The following CNTN4 variants were observed in gnomAD, a reference collection of about 807,000 sequenced individuals.
The protein encoded by CNTN4 is contactin-4.
A neutral mutation model predicts 122.5 loss-of-function variants in CNTN4; 77 were observed. The ratio of observed to expected loss-of-function variants is 0.63; its 90% CI spans 0.52 to 0.76. CNTN4 has a LOEUF of 0.76. CNTN4 is among the 30% of genes least tolerant of loss of function. The probability of loss-of-function intolerance (pLI) is 0.00; values close to 1 mark genes in which losing one functional copy is unlikely to be tolerated. For missense variants in CNTN4, 1,256 were observed against 1,259.1 expected (o/e 1.00, Z 0.04); for synonymous variants, 512 against 447.0 (o/e 1.15, Z -1.83).
At chr3:2,718,471 G>A (rs1270867050) in intron 4 of CNTN4, among the ~76,000 whole-genome samples, 1 of 152,022 alleles carries the variant, frequency 6.6e-6, no homozygotes, top group Admixed American at 6.6e-5. Context: ...GATGCTTTTC[G>A]TGTCAAGATC....
intron 6 of CNTN4, among the ~76,000 whole-genome samples, chr3:2,796,898 C>G (rs1008427223): frequency 4.2e-4 from 64 of 152,310 alleles, no homozygotes; most frequent in African/African-American, 1.5e-3. Context: ...TAATGTTGCT[C>G]AGTACCCCAC....
chr3:2,930,807 A>T lies in CNTN4; in HGVS notation c.1358+5028A>T, dbSNP rs758267529. Among the ~76,000 whole-genome samples, 8 of 152,120 alleles carry T rather than the reference A, an allele frequency of 5.3e-5. No homozygotes were observed. In the South Asian group the frequency reaches 1.5e-3, roughly 28 times the overall value. ...CCTTTGCTTAGCACTAGAGAGAGAG[A>T]AAAAAAAGGAGACATGAACCTAGCT... On this transcript the variant is annotated intron_variant, in intron 13 of 24. Transcript: ENST00000418658.
At chr3:2,359,766 C>A (rs575903452) in intron 3 of CNTN4, among the ~76,000 whole-genome samples, 1 of 152,266 alleles carries the variant, frequency 6.6e-6, no homozygotes, top group East Asian at 1.9e-4. Flanking sequence ...GTCTCTATCT[C>A]CTGACCTCGT....
chr3:2,265,516 T>C (rs535686126), intron 2 of CNTN4, among the ~76,000 whole-genome samples: 1 of 152,254 alleles, frequency 6.6e-6, no homozygotes, highest in East Asian at 1.9e-4. Flanking sequence ...TCCAGCTTTA[T>C]TCTTTTTGCT....
intron 3 of CNTN4, among the ~76,000 whole-genome samples, chr3:2,469,222 C>G (rs759623572): frequency 5.9e-5 from 9 of 152,178 alleles, no homozygotes; most frequent in Non-Finnish European, 1.0e-4. Context: ...TCCAAATGTA[C>G]TAAGACATAA....
intron 4 of CNTN4, among the ~76,000 whole-genome samples, chr3:2,632,801 G>GATGAAGCT (rs2150050707): frequency 6.6e-6 from 1 of 152,212 alleles, no homozygotes; most frequent in African/African-American, 2.4e-5. Context: ...TGTTATGAGT[G>GATGAAGCT]ATGAAGCTCA....
chr3:2,961,122 C>A (rs1407701501), intron 13 of CNTN4, among the ~76,000 whole-genome samples: 1 of 137,126 alleles, frequency 7.3e-6, no homozygotes, highest in Non-Finnish European at 1.6e-5. Context: ...CCCAGCTACT[C>A]GGGAGGCTGA....
chr3:2,509,947 T>C (rs1211972096), intron 3 of CNTN4, among the ~76,000 whole-genome samples: 1 of 152,166 alleles, frequency 6.6e-6, no homozygotes, highest in Non-Finnish European at 1.5e-5. Flanking sequence ...GGATTTTTGG[T>C]TCTTCACCCA....
At chr3:2,905,609 C>T (rs1200690537) in intron 12 of CNTN4, among the ~76,000 whole-genome samples, 2 of 152,204 alleles carry the variant, frequency 1.3e-5, no homozygotes. Flanking sequence ...GGGACACAAA[C>T]ATTCAGACTA....
chr3:2,271,663 G>A (rs1377344004), intron 2 of CNTN4, among the ~76,000 whole-genome samples: 3 of 152,080 alleles, frequency 2.0e-5, no homozygotes, highest in Admixed American at 2.0e-4. Flanking sequence ...AGATTACCTT[G>A]GTTATATCAG....
chr3:2,918,856 A>G (rs1456635412), intron 12 of CNTN4, among the ~76,000 whole-genome samples: 1 of 152,206 alleles, frequency 6.6e-6, no homozygotes, highest in Non-Finnish European at 1.5e-5. Context: ...ATAACCCTAT[A>G]TGAAGGGGAG....
At chr3:2,124,807 G>A (rs2034035560) in intron 2 of CNTN4, among the ~76,000 whole-genome samples, 1 of 151,280 alleles carries the variant, frequency 6.6e-6, no homozygotes, top group Non-Finnish European at 1.5e-5. Flanking sequence ...TTGAAGTGTA[G>A]TTGATGTACA....
chr3:2,796,791 T>C (rs891990263), intron 6 of CNTN4, among the ~76,000 whole-genome samples: 17 of 152,236 alleles, frequency 1.1e-4, no homozygotes, highest in Admixed American at 5.9e-4. Flanking sequence ...TTTGCATTTA[T>C]TTTTAGCTTC....
chr3:2,855,648 G>C (rs1431957655), intron 7 of CNTN4, among the ~76,000 whole-genome samples: 1 of 152,150 alleles, frequency 6.6e-6, no homozygotes, highest in Non-Finnish European at 1.5e-5. Context: ...GAGTAACTGT[G>C]ATCTGACCTG....
chr3:2,813,330 TG>T (rs2092656269), intron 6 of CNTN4, among the ~76,000 whole-genome samples: 1 of 152,206 alleles, frequency 6.6e-6, no homozygotes, highest in Admixed American at 6.5e-5. Flanking sequence ...CAAAGGGAAC[TG>T]GTGCTGACAA....
intron 6 of CNTN4, among the ~76,000 whole-genome samples, chr3:2,778,515 C>T (rs1412268548): frequency 6.6e-6 from 1 of 152,146 alleles, no homozygotes; most frequent in Admixed American, 6.5e-5. Context: ...GCATATAGAA[C>T]TCTTTAAAAT....
intron 8 of CNTN4, among the ~76,000 whole-genome samples, chr3:2,877,937 C>A (rs986927880): frequency 5.3e-5 from 8 of 152,194 alleles, no homozygotes; most frequent in African/African-American, 2.4e-5. Context: ...ATATCCTGTG[C>A]TAGTTGTAAC....
intron 2 of CNTN4, among the ~76,000 whole-genome samples, chr3:2,189,527 C>T (rs1014695456): frequency 1.3e-5 from 2 of 152,058 alleles, no homozygotes; most frequent in African/African-American, 4.8e-5. Context: ...TCAGTTTGAT[C>T]CATGGAATGG....
intron 3 of CNTN4, among the ~76,000 whole-genome samples, chr3:2,532,798 A>T (rs946075687): frequency 6.6e-6 from 1 of 152,206 alleles, no homozygotes; most frequent in African/African-American, 2.4e-5. Flanking sequence ...ATATTTTGAT[A>T]GAAAAAAGTC....
Sources: gnomAD v4.1 joint callset for allele counts (sites outside exome capture counted in the v4.1 genomes callset) on GRCh38, gnomAD v4.1.1 for gene constraint, MANE v1.5 for transcripts, NCBI Gene and HGNC (gene_info 2026-07-23, HGNC 2026-07-21) for gene names.